Variants in LARGE1 observed in about 807,000 individuals in gnomAD.
The protein encoded by LARGE1 is LARGE xylosyl- and glucuronyltransferase 1.
In LARGE1, 43 loss-of-function variants were observed where a neutral mutation model predicts 87.6. The ratio of observed to expected loss-of-function variants is 0.49; its 90% CI spans 0.38 to 0.63. LARGE1 has a LOEUF of 0.63. Among genes scored for constraint, LARGE1 ranks in the 30% least tolerant of loss-of-function variants. The pLI, the probability that LARGE1 is intolerant of heterozygous loss-of-function variation, is 0.00. For missense variants in LARGE1, 802 were observed against 1,000.2 expected, an observed-to-expected ratio of 0.80 and a Z score of 2.67; for synonymous variants, 434 against 394.6, an observed-to-expected ratio of 1.10 and a Z score of -1.18.
the LARGE1 span, among the ~76,000 whole-genome samples, chr22:33,103,653 A>C: frequency 6.6e-6 from 1 of 152,110 alleles, no homozygotes; most frequent in South Asian, 2.1e-4. Context: ...GGTAAGAGAA[A>C]CCCCTGATAA....
chr22:33,206,014 G>A (rs1261531016), intron 11 of LARGE1, among the ~76,000 whole-genome samples: 1 of 146,548 alleles, frequency 6.8e-6, no homozygotes, highest in Non-Finnish European at 1.5e-5. Flanking sequence ...GAGTGCAGTG[G>A]CGCGATCTCT....
chr22:33,741,009 G>A (rs997073689), intron 2 of LARGE1, among the ~76,000 whole-genome samples: 2 of 152,158 alleles, frequency 1.3e-5, no homozygotes, highest in African/African-American at 4.8e-5. Context: ...GTTTACCTTC[G>A]ATTGTCACAG....
At chr22:33,250,882 G>A (rs1173692856) in intron 11 of LARGE1, among the ~76,000 whole-genome samples, 2 of 152,136 alleles carry the variant, frequency 1.3e-5, no homozygotes, top group Non-Finnish European at 2.9e-5. Flanking sequence ...TTTATGCACT[G>A]GTGAATTTGA....
Position 33,300,891 on chromosome 22 carries a change from G to T in LARGE1, c.1730+3338C>A, listed in dbSNP as rs925852232. 6.6e-5 allele frequency among the ~76,000 whole-genome samples: 10 copies of T among 152,072 alleles called. No homozygotes were observed. In the East Asian group the frequency reaches 1.9e-3, roughly 29 times the overall value. ...GGGTCTCACTATATTGCTCAGGCTG[G>T]TCTCGAATTCCTGGGTTCAAGCAAT... On this transcript the variant is annotated intron_variant, in intron 12 of 14. Transcript: ENST00000397394.
intron 1 of LARGE1, among the ~76,000 whole-genome samples, chr22:33,840,014 C>G (rs1040938976): frequency 6.6e-6 from 1 of 152,178 alleles, no homozygotes; most frequent in Non-Finnish European, 1.5e-5. Flanking sequence ...ATGAAACGAT[C>G]TATGGGCCAG....
chr22:33,658,255 G>A (rs867299087), intron 2 of LARGE1, among the ~76,000 whole-genome samples: 18 of 152,150 alleles, frequency 1.2e-4, no homozygotes, highest in African/African-American at 4.1e-4. Flanking sequence ...CTCTGGAGGT[G>A]GGGGTCTAGT....
At chr22:33,391,764 CCTT>C (rs1162913385) in intron 7 of LARGE1, among the ~76,000 whole-genome samples, 18 of 141,856 alleles carry the variant, frequency 1.3e-4, no homozygotes, top group South Asian at 2.2e-4. Context: ...TTTCCTTTTT[CCTT>C]TTTTTTTTTT....
At chr22:33,584,988 G>A (rs193155059) in intron 5 of LARGE1, among the ~76,000 whole-genome samples, 270 of 151,956 alleles carry the variant, frequency 1.8e-3, no homozygotes, top group Non-Finnish European at 3.0e-3. Context: ...ATGGTGATGC[G>A]CGCCTGTAAT....
At chr22:33,873,338 C>T (rs55929802) in intron 1 of LARGE1, 8,515 of 152,378 alleles carry the variant, frequency 0.056, 336 homozygotes, top group Middle Eastern at 0.089. Context: ...AGGCACGCCT[C>T]GATTAGCTGG....
chr22:33,884,737 G>A (rs906680664), intron 1 of LARGE1, among the ~76,000 whole-genome samples: 4 of 152,178 alleles, frequency 2.6e-5, no homozygotes, highest in African/African-American at 7.2e-5. Context: ...AGTGGCATGC[G>A]TGCACTTACT....
At chr22:33,800,787 C>T (rs538968900) in intron 1 of LARGE1, among the ~76,000 whole-genome samples, 5 of 152,154 alleles carry the variant, frequency 3.3e-5, no homozygotes, top group Admixed American at 2.0e-4. Context: ...TTCATTCATT[C>T]ACCTGTTAAG....
chr22:33,172,112 C>T (rs1357255533), intron 11 of LARGE1, among the ~76,000 whole-genome samples: 1 of 152,246 alleles, frequency 6.6e-6, no homozygotes, highest in Non-Finnish European at 1.5e-5. Context: ...TTAAAGAATG[C>T]CCTGCTGGGT....
intron 11 of LARGE1, among the ~76,000 whole-genome samples, chr22:33,245,739 T>C (rs1305149928): frequency 1.3e-5 from 2 of 152,026 alleles, no homozygotes; most frequent in South Asian, 4.2e-4. Flanking sequence ...CAAAACCCTG[T>C]CTCCATCAAA....
chr22:33,798,277 C>T (rs901202957), intron 1 of LARGE1, among the ~76,000 whole-genome samples: 2 of 150,102 alleles, frequency 1.3e-5, no homozygotes, highest in Non-Finnish European at 3.0e-5. Context: ...GAGACAAGAG[C>T]GAAACTCTGT....
At chr22:33,425,184 C>A (rs997250086) in intron 7 of LARGE1, among the ~76,000 whole-genome samples, 8 of 152,118 alleles carry the variant, frequency 5.3e-5, no homozygotes, top group Non-Finnish European at 1.2e-4. Flanking sequence ...ATCGCTTGAA[C>A]CCGGGAGGTG....
chr22:33,389,846 A>AAAAC (rs901437161), intron 7 of LARGE1, among the ~76,000 whole-genome samples: 51 of 140,698 alleles, frequency 3.6e-4, no homozygotes, highest in African/African-American at 1.5e-3. Flanking sequence ...CTCAGTCTCA[A>AAAAC]AAACCAACCA....
At chr22:33,138,270 G>T in the LARGE1 span, among the ~76,000 whole-genome samples, 8 of 152,090 alleles carry the variant, frequency 5.3e-5, no homozygotes, top group South Asian at 4.2e-4. Flanking sequence ...GACTTATATG[G>T]GGCCCGTACC....
At chr22:33,829,605 T>C (rs563244613) in intron 1 of LARGE1, among the ~76,000 whole-genome samples, 5 of 152,260 alleles carry the variant, frequency 3.3e-5, no homozygotes, top group African/African-American at 9.6e-5. Flanking sequence ...CCAGCCTTAA[T>C]AGTTCCTTTA....
chr22:33,360,246 G>T (rs1056045986), intron 9 of LARGE1, among the ~76,000 whole-genome samples: 1 of 149,410 alleles, frequency 6.7e-6, no homozygotes, highest in Non-Finnish European at 1.5e-5. Flanking sequence ...CTGGGAGGTG[G>T]AGGTTGCAGT....
Sources: gnomAD v4.1 joint callset for allele counts (sites outside exome capture counted in the v4.1 genomes callset) on GRCh38, gnomAD v4.1.1 for gene constraint, MANE v1.5 for transcripts, NCBI Gene and HGNC (gene_info 2026-07-23, HGNC 2026-07-21) for gene names.